NRG2: variants seen among roughly 807,000 people sequenced by gnomAD.
NRG2 encodes the protein pro-neuregulin-2, membrane-bound isoform.
In NRG2, 27 loss-of-function variants were observed where a neutral mutation model predicts 73.9. The ratio of observed to expected loss-of-function variants is 0.37; its 90% CI spans 0.27 to 0.50. NRG2 has a LOEUF of 0.50. Ranked by LOEUF, NRG2 falls within the 20% of genes least tolerant of loss-of-function variation. The pLI is 0.96. For synonymous variants in NRG2, 532 were observed against 541.0 expected (o/e 0.98, Z 0.23); for missense variants, 1,126 against 1,210.1 (o/e 0.93, Z 1.03).
rs138508351 is a variant in NRG2 at position 139,856,166 on chromosome 5, C to T, written c.1190-388G>A. 24 of 224,302 alleles carry T rather than the reference C, an allele frequency of 1.1e-4. No individual in the cohort carries two copies. The East Asian group carries it at 2.2e-3, about 20-fold the overall frequency. The allele number at this position is 224,302 out of a possible 1,614,324, so 13.9% of individuals were successfully genotyped here. A position where few individuals can be genotyped will look rare whatever the true frequency, so the allele number is the denominator to read the frequency against. ...GTGACCCTGCCCTGCTCCACAGTGG[C>T]CTGGTAGCTGCAAAGAACCTTGGTG... On this transcript the variant is annotated intron_variant, in intron 5 of 9. Coordinates refer to ENST00000361474, the MANE Select transcript of NRG2 (RefSeq NM_004883.3). The surrounding 1 kb of genome is among the most constrained non-coding windows in gnomAD (Gnocchi z 4.2).
intron 2 of NRG2, among the ~76,000 whole-genome samples, chr5:139,885,970 G>C (rs1276649685): frequency 6.6e-6 from 1 of 152,046 alleles, no homozygotes; most frequent in East Asian, 1.9e-4. Flanking sequence ...AAGCAGCCTT[G>C]GTAGGGCAGT....
intron 2 of NRG2, among the ~76,000 whole-genome samples, chr5:139,884,930 C>G (rs75026715): frequency 0.014 from 2,116 of 151,988 alleles, 29 homozygotes; most frequent in Middle Eastern, 0.048. Flanking sequence ...GGCACGACCC[C>G]CTGGGCAGAC....
At chr5:139,883,033 A>G (rs1763632856) in intron 2 of NRG2, among the ~76,000 whole-genome samples, 1 of 152,002 alleles carries the variant, frequency 6.6e-6, no homozygotes, top group South Asian at 2.1e-4. Context: ...GGTCCTGGCT[A>G]AGGGGCAGGG....
At chr5:139,875,262 C>T (rs1763102679) in intron 3 of NRG2, among the ~76,000 whole-genome samples, 1 of 152,208 alleles carries the variant, frequency 6.6e-6, no homozygotes, top group South Asian at 2.1e-4. Context: ...CTGCCTGCCT[C>T]AGCCTCACAA....
At chr5:139,952,132 C>G (rs960431740) in intron 1 of NRG2, among the ~76,000 whole-genome samples, 3 of 152,138 alleles carry the variant, frequency 2.0e-5, no homozygotes, top group African/African-American at 7.2e-5. Flanking sequence ...AGGGATTAAC[C>G]AATATAATAT....
intron 1 of NRG2, among the ~76,000 whole-genome samples, chr5:139,976,045 C>T (rs1271815851): frequency 6.6e-6 from 1 of 152,198 alleles, no homozygotes; most frequent in East Asian, 1.9e-4. Flanking sequence ...TAACCTTATA[C>T]TTTCCTTATG....
intron 1 of NRG2, among the ~76,000 whole-genome samples, chr5:139,942,073 C>A (rs1290762314): frequency 6.6e-6 from 1 of 152,096 alleles, no homozygotes; most frequent in Non-Finnish European, 1.5e-5. Flanking sequence ...GTAGTTTTTT[C>A]ATCCAGAAAA....
In NRG2 at chr5:139,851,466, C is replaced by T; in HGVS notation, c.1772+138G>A. Reference sequence around the variant, plus strand: ...CTCTGAGCAGGCCATTTCACCTTTTCTAGGACCTTGTTTTCCCATATGAAA... The same window carrying T: ...CTCTGAGCAGGCCATTTCACCTTTTTTAGGACCTTGTTTTCCCATATGAAA... On this transcript the variant is annotated intron_variant, in intron 9 of 9. Transcript: ENST00000361474. The surrounding 1 kb of genome is among the most constrained non-coding windows in gnomAD (Gnocchi z 4.2). 5 of 817,898 alleles carry T rather than the reference C, an allele frequency of 6.1e-6. No individual in the cohort carries two copies. Among genetic ancestry groups the T allele is most frequent in the Non-Finnish European group, 9.6e-6 (5 of 522,588 alleles). 50.7% of individuals were successfully genotyped at this position (817,898 alleles called of 1,614,324 possible). A position where few individuals can be genotyped will look rare whatever the true frequency, so the allele number is the denominator to read the frequency against.
intron 1 of NRG2, among the ~76,000 whole-genome samples, chr5:139,943,022 G>A (rs1249055523): frequency 6.6e-6 from 1 of 152,116 alleles, no homozygotes; most frequent in Non-Finnish European, 1.5e-5. Flanking sequence ...TGTATTTTTA[G>A]TAGAGACGGG....
At chr5:139,849,162 C>T (rs1761244250) in intron 9 of NRG2, among the ~76,000 whole-genome samples, 1 of 152,154 alleles carries the variant, frequency 6.6e-6, no homozygotes, top group African/African-American at 2.4e-5. Context: ...TAATTCTACA[C>T]GCAGGAAAGT....
intron 1 of NRG2, among the ~76,000 whole-genome samples, chr5:139,999,940 C>G (rs1406936289): frequency 2.0e-5 from 3 of 152,196 alleles, no homozygotes; most frequent in Non-Finnish European, 4.4e-5. Flanking sequence ...GAAGAAACAT[C>G]AAACTATTAG....
Position 139,904,254 on chromosome 5 carries a change from C to A in NRG2, c.701-16743G>T, listed in dbSNP as rs956328074. ...GCTGCGCTGGGGGCGGGTGAGCGGG[C>A]GGCAGGTTTCTCCCAGGGAAACCGG... On this transcript the variant is annotated intron_variant, in intron 1 of 9. Coordinates refer to ENST00000361474, the MANE Select transcript of NRG2 (RefSeq NM_004883.3). The surrounding 1 kb of genome is among the most constrained non-coding windows in gnomAD (Gnocchi z 6.0). The A allele has an allele frequency of 9.7e-6, 15 of 1,554,342 alleles. No individual in the cohort carries two copies. The Admixed American group carries it at 1.1e-4, about 11-fold the overall frequency.
chr5:140,039,308 T>C (rs1467769069), intron 1 of NRG2, among the ~76,000 whole-genome samples: 2 of 152,202 alleles, frequency 1.3e-5, no homozygotes, highest in Non-Finnish European at 2.9e-5. Context: ...TTTTATAACA[T>C]TGTACAGAAT....
chr5:139,864,385 CTTT>C (rs954495131), intron 5 of NRG2, among the ~76,000 whole-genome samples: 7 of 134,580 alleles, frequency 5.2e-5, no homozygotes, highest in African/African-American at 1.1e-4. Flanking sequence ...TCTTCTTCTT[CTTT>C]TTTTTTTTTT....
At chr5:139,892,514 T>A (rs1452377601) in intron 1 of NRG2, among the ~76,000 whole-genome samples, 1 of 152,104 alleles carries the variant, frequency 6.6e-6, no homozygotes, top group Non-Finnish European at 1.5e-5. Context: ...CAGAGACAGC[T>A]CTAACGGGAC....
chr5:140,000,020 C>A (rs1032303839), intron 1 of NRG2, among the ~76,000 whole-genome samples: 2 of 152,144 alleles, frequency 1.3e-5, no homozygotes, highest in African/African-American at 4.8e-5. Flanking sequence ...CATGCATTTT[C>A]TACAATGAAT....
chr5:139,888,675 T>C (rs917540973), intron 1 of NRG2, among the ~76,000 whole-genome samples: 2 of 152,096 alleles, frequency 1.3e-5, no homozygotes. Flanking sequence ...AGCTGCTGCA[T>C]ATACGCAGGG....
intron 1 of NRG2, among the ~76,000 whole-genome samples, chr5:139,892,627 A>T (rs1764284009): frequency 6.6e-6 from 1 of 152,018 alleles, no homozygotes; most frequent in South Asian, 2.1e-4. Flanking sequence ...CCACACTACA[A>T]TGCTAGTGTA....
intron 1 of NRG2, among the ~76,000 whole-genome samples, chr5:139,895,553 G>C (rs1394631935): frequency 6.6e-6 from 1 of 152,182 alleles, no homozygotes. Flanking sequence ...AGGAACAGGG[G>C]AAAGAGAGGC....
Sources: allele counts gnomAD v4.1 joint callset (sites outside exome capture counted in the v4.1 genomes callset), GRCh38; gene constraint gnomAD v4.1.1; non-coding constraint Gnocchi (gnomAD v3.1); transcripts MANE v1.5; gene names NCBI Gene and HGNC (gene_info 2026-07-23, HGNC 2026-07-21).